The following SAMD12 variants were observed in gnomAD, a reference collection of about 807,000 sequenced individuals.
SAMD12 encodes sterile alpha motif domain-containing protein 12.
In SAMD12, 9 loss-of-function variants were observed where a neutral mutation model predicts 15.0. The ratio of observed to expected loss-of-function variants is 0.60; its 90% CI spans 0.36 to 1.05. The LOEUF is 1.05. Among genes scored for constraint, SAMD12 ranks in the 50% least tolerant of loss-of-function variants. The probability of loss-of-function intolerance (pLI) is 0.01; values close to 1 mark genes in which losing one functional copy is unlikely to be tolerated. For synonymous variants in SAMD12, 86 were observed against 90.1 expected (o/e 0.96, Z 0.25); for missense variants, 230 against 234.2 (o/e 0.98, Z 0.12).
chr8:118,451,399 CA>C (rs1433344139), intron 2 of SAMD12, among the ~76,000 whole-genome samples: 14 of 152,282 alleles, frequency 9.2e-5, no homozygotes, highest in Non-Finnish European at 1.6e-4. Flanking sequence ...GACTCCAACT[CA>C]AGGGCTTTTT....
chr8:118,186,228 C>T (rs1819241097), downstream of SAMD12, among the ~76,000 whole-genome samples: 1 of 152,162 alleles, frequency 6.6e-6, no homozygotes, highest in Non-Finnish European at 1.5e-5. Flanking sequence ...CTCTCCCCAA[C>T]CCCAACATCT....
At chr8:118,393,565 G>T (rs1820399167) in intron 3 of SAMD12, among the ~76,000 whole-genome samples, 1 of 151,254 alleles carries the variant, frequency 6.6e-6, no homozygotes, top group South Asian at 2.1e-4. Flanking sequence ...TTTTGACTCA[G>T]TTCTACAAGC....
At chr8:118,482,436 G>T (rs939512436) in intron 2 of SAMD12, among the ~76,000 whole-genome samples, 1 of 151,912 alleles carries the variant, frequency 6.6e-6, no homozygotes, top group Non-Finnish European at 1.5e-5. Context: ...TACACCTGTG[G>T]GTTCAACCAA....
the SAMD12 span, among the ~76,000 whole-genome samples, chr8:118,152,449 T>G: frequency 7.8e-6 from 1 of 128,332 alleles, no homozygotes; most frequent in Non-Finnish European, 1.7e-5. Context: ...CCTTCCTCCC[T>G]CCCTCCCTAC....
intron 2 of SAMD12, among the ~76,000 whole-genome samples, chr8:118,493,576 T>C (rs1035539759): frequency 6.6e-6 from 1 of 152,180 alleles, no homozygotes; most frequent in Non-Finnish European, 1.5e-5. Flanking sequence ...ACTTTGCAAA[T>C]GTGATCAAGG....
chr8:118,458,310 C>T (rs2130931090), intron 2 of SAMD12, among the ~76,000 whole-genome samples: 2 of 152,182 alleles, frequency 1.3e-5, no homozygotes, highest in East Asian at 3.9e-4. Context: ...ATTAAAAACA[C>T]TCATCTTCTG....
intron 4 of SAMD12, among the ~76,000 whole-genome samples, chr8:118,342,526 C>A (rs560048423): frequency 9.2e-5 from 14 of 151,994 alleles, no homozygotes; most frequent in Admixed American, 2.6e-4. Context: ...AATTACAGTC[C>A]GATAAAGAAT....
At chr8:118,529,025 A>G (rs1825611316) in intron 2 of SAMD12, among the ~76,000 whole-genome samples, 1 of 152,182 alleles carries the variant, frequency 6.6e-6, no homozygotes, top group African/African-American at 2.4e-5. Flanking sequence ...CAAGGGTGCC[A>G]CTTCCTGGTC....
chr8:118,554,430 A>T (rs1586815031), intron 2 of SAMD12, among the ~76,000 whole-genome samples: 1 of 151,748 alleles, frequency 6.6e-6, no homozygotes, highest in African/African-American at 2.4e-5. Context: ...AACTATCGCA[A>T]GAACAAAAAA....
At chr8:118,357,340 C>T (rs372535039) in intron 4 of SAMD12, among the ~76,000 whole-genome samples, 12 of 152,124 alleles carry the variant, frequency 7.9e-5, no homozygotes, top group African/African-American at 2.7e-4. Context: ...TGGGCTCAAG[C>T]GATTCTTGTG....
chr8:118,193,412 C>G (rs995448549), exon 5 of SAMD12: 3 of 152,138 alleles, frequency 2.0e-5, no homozygotes, highest in Non-Finnish European at 2.9e-5. Context: ...GTTGATAAAC[C>G]AGAATTCATA....
the SAMD12 span, among the ~76,000 whole-genome samples, chr8:118,134,007 C>A: frequency 1.3e-5 from 2 of 152,108 alleles, no homozygotes; most frequent in Admixed American, 6.6e-5. Flanking sequence ...ACTGTTCGAG[C>A]TCTAATGTTA....
intron 2 of SAMD12, among the ~76,000 whole-genome samples, chr8:118,551,244 C>T (rs1436144298): frequency 1.3e-5 from 2 of 152,022 alleles, no homozygotes; most frequent in Non-Finnish European, 2.9e-5. Flanking sequence ...CACCACACCA[C>T]ACCTATTCCA....
intron 4 of SAMD12, among the ~76,000 whole-genome samples, chr8:118,234,300 C>T (rs1003651209): frequency 6.6e-6 from 1 of 151,922 alleles, no homozygotes; most frequent in Non-Finnish European, 1.5e-5. Context: ...TTGTCTATTT[C>T]CTAACTTTGC....
At chr8:118,264,721 G>GT (rs1349287509) in intron 4 of SAMD12, among the ~76,000 whole-genome samples, 9 of 152,140 alleles carry the variant, frequency 5.9e-5, no homozygotes, top group Non-Finnish European at 1.3e-4. Context: ...TCACTCAGTG[G>GT]CTCCTACCTG....
intron 2 of SAMD12, among the ~76,000 whole-genome samples, chr8:118,561,502 G>A (rs1044451422): frequency 6.6e-6 from 1 of 152,172 alleles, no homozygotes; most frequent in African/African-American, 2.4e-5. Flanking sequence ...CAGCATGGCT[G>A]GGGAGGCCTC....
chr8:118,578,533 G>A (rs547502969), intron 2 of SAMD12, among the ~76,000 whole-genome samples: 19 of 152,184 alleles, frequency 1.2e-4, no homozygotes, highest in African/African-American at 3.4e-4. Context: ...CCAATTTACC[G>A]GAGATTCAAT....
chr8:118,479,774 CT>C (rs66477123), intron 2 of SAMD12, among the ~76,000 whole-genome samples: 96,571 of 149,182 alleles, frequency 0.65, 31,476 homozygotes, highest in African/African-American at 0.74. Context: ...CCATGATACT[CT>C]TTTTTTTTTT....
At chr8:118,426,126 T>G (rs1000699574) in intron 3 of SAMD12, among the ~76,000 whole-genome samples, 3 of 152,242 alleles carry the variant, frequency 2.0e-5, no homozygotes, top group African/African-American at 7.2e-5. Flanking sequence ...GTTTGGCTCA[T>G]AGTGGTGTCA....
Sources: gnomAD v4.1 joint callset for allele counts (sites outside exome capture counted in the v4.1 genomes callset) on GRCh38, gnomAD v4.1.1 for gene constraint, MANE v1.5 for transcripts, NCBI Gene and HGNC (gene_info 2026-07-23, HGNC 2026-07-21) for gene names.